CFTR: variants seen among roughly 807,000 people sequenced by gnomAD.
CFTR encodes CF transmembrane conductance regulator.
CFTR carries 181 observed loss-of-function variants against 171.6 expected under a neutral mutation model. The observed-to-expected ratio is 1.05, with a 90% CI of 0.93 to 1.19. The LOEUF (loss-of-function observed/expected upper bound fraction) is 1.19. Ranked by LOEUF, CFTR falls within the 50% of genes most tolerant of loss-of-function variation. The pLI is 0.00. For missense variants in CFTR, 1,968 were observed against 1,734.7 expected (o/e 1.13, Z -2.39); for synonymous variants, 583 against 608.0 (o/e 0.96, Z 0.60).
intron 15 of CFTR, among the ~76,000 whole-genome samples, chr7:117,595,416 T>C (rs1792105116): frequency 6.6e-6 from 1 of 150,528 alleles, no homozygotes; most frequent in Admixed American, 6.6e-5. Flanking sequence ...ATTCGAAAGC[T>C]CAAAGTAGAA....
intron 7 of CFTR, 133 bp from the exon 8 acceptor site, chr7:117,539,967 A>C (rs907131618): frequency 1.4e-6 from 1 of 716,578 alleles, no homozygotes; most frequent in African/African-American, 1.8e-5. Context: ...CACACAGGTC[A>C]TATGATGTGG....
At chr7:117,544,248 A>G (rs1749733680) in intron 9 of CFTR, among the ~76,000 whole-genome samples, 1 of 152,158 alleles carries the variant, frequency 6.6e-6, no homozygotes, top group South Asian at 2.1e-4. Flanking sequence ...CAGTAGTGCT[A>G]TCTGTTGACT....
In CFTR at chr7:117,623,913, A is replaced by G. The variant is rs138644462; in HGVS notation, c.3469-3609A>G. Among the ~76,000 whole-genome samples, 6 of 152,262 alleles carry G rather than the reference A, an allele frequency of 3.9e-5. No individual in the cohort carries two copies. In the East Asian group the frequency reaches 5.8e-4, roughly 15 times the overall value. Reference sequence around the variant, plus strand: ...TTGTTTAACATGAAGCCTATGAGACATAAGCCACAGGTCCTCTCACGTGCA... The same window carrying G: ...TTGTTTAACATGAAGCCTATGAGACGTAAGCCACAGGTCCTCTCACGTGCA... On this transcript the variant is annotated intron_variant, in intron 21 of 26. Transcript: ENST00000003084.
At chr7:117,537,337 T>C (rs1336266289) in intron 7 of CFTR, among the ~76,000 whole-genome samples, 1 of 152,206 alleles carries the variant, frequency 6.6e-6, no homozygotes. Flanking sequence ...CAGACTGAGA[T>C]ATGATTACTG....
chr7:117,612,265 T>G (rs971350939), intron 20 of CFTR, among the ~76,000 whole-genome samples: 48 of 112,772 alleles, frequency 4.3e-4, no homozygotes, highest in Non-Finnish European at 7.3e-4. Context: ...ACACACAGAG[T>G]TCCTCTTGTC....
chr7:117,544,137 C>T (rs1248453119), intron 9 of CFTR, among the ~76,000 whole-genome samples: 1 of 152,200 alleles, frequency 6.6e-6, no homozygotes, highest in Non-Finnish European at 1.5e-5. Flanking sequence ...ATTTTATTCT[C>T]TCAGCTGCAC....
intron 14 of CFTR, among the ~76,000 whole-genome samples, chr7:117,594,070 G>T (rs1383245415): frequency 6.6e-6 from 1 of 152,156 alleles, no homozygotes; most frequent in African/African-American, 2.4e-5. Context: ...TACCCTGGAA[G>T]GTATTTAAAA....
At chr7:117,660,402 C>A (rs1001922690) in intron 24 of CFTR, among the ~76,000 whole-genome samples, 1 of 151,952 alleles carries the variant, frequency 6.6e-6, no homozygotes, top group Non-Finnish European at 1.5e-5. Flanking sequence ...GAGGCCGAGG[C>A]GGTTGGATCA....
chr7:117,562,958 G>A (rs963957842), intron 11 of CFTR, among the ~76,000 whole-genome samples: 1 of 152,154 alleles, frequency 6.6e-6, no homozygotes, highest in African/African-American at 2.4e-5. Flanking sequence ...TAAGCCAGAA[G>A]GCCATGTCAT....
chr7:117,590,403 A>T lies in CFTR; in HGVS notation c.1730A>T (p.Tyr577Phe), dbSNP rs397508286. 6.2e-7 allele frequency: 1 copy of T among 1,603,396 alleles called. No individual in the cohort carries two copies. Among genetic ancestry groups the T allele is most frequent in the South Asian group, 1.1e-5 (1 of 90,934 alleles). The part of the protein sequence containing the change: ...DLYLLDSPFG[Y>F]LDVLTEKEIF... ...TATTTATTAGACTCTCCTTTTGGAT[A>T]CCTAGATGTTTTAACAGAAAAAGAA... is the stretch of plus-strand genomic sequence containing the variant. Residue 577 changes from tyrosine (Y) to phenylalanine (F), a missense_variant, in exon 13 of 27, where the codon TAC becomes TTC. By Grantham distance (22) the Tyr-to-Phe change is conservative. Transcript: ENST00000003084.
rs781379932 is a variant in CFTR at position 117,664,888 on chromosome 7, T to C, written c.4136+28T>C. ...GAGTTTCAGATGTTCTGTTACTTAA[T>C]AGCACAGTGGGAACAGAATCATTAT... On this transcript the variant is annotated intron_variant, in intron 25 of 26. Coordinates refer to ENST00000003084, the MANE Select transcript of CFTR (RefSeq NM_000492.4). 3 of 1,607,710 alleles carry C rather than the reference T, an allele frequency of 1.9e-6. No individual in the cohort carries two copies. In the South Asian group the frequency reaches 3.3e-5, roughly 18 times the overall value.
At chr7:117,630,166 A>G (rs183752253) in intron 22 of CFTR, among the ~76,000 whole-genome samples, 259 of 152,290 alleles carry the variant, frequency 1.7e-3, no homozygotes, top group African/African-American at 6.1e-3. Context: ...CCATGTATCT[A>G]ATTTTGTTTT....
chr7:117,525,919 G>A (rs1798769472), intron 3 of CFTR, among the ~76,000 whole-genome samples: 24 of 146,942 alleles, frequency 1.6e-4, no homozygotes, highest in Non-Finnish European at 2.7e-4. Context: ...ATTTGATCCT[G>A]TCATTATGAT....
At chr7:117,516,372 C>T (rs1009476605) in intron 3 of CFTR, among the ~76,000 whole-genome samples, 1 of 152,028 alleles carries the variant, frequency 6.6e-6, no homozygotes, top group Non-Finnish European at 1.5e-5. Flanking sequence ...TATAGTATAG[C>T]TATAGTACAG....
chr7:117,651,856 C>T (rs1278138132), intron 23 of CFTR, among the ~76,000 whole-genome samples: 1 of 152,020 alleles, frequency 6.6e-6, no homozygotes, highest in Non-Finnish European at 1.5e-5. Context: ...TCCTTGTGGA[C>T]CAGATGGCCA....
chr7:117,532,722 A>G (rs1798883784), intron 4 of CFTR, among the ~76,000 whole-genome samples: 1 of 152,132 alleles, frequency 6.6e-6, no homozygotes, highest in South Asian at 2.1e-4. Context: ...GTTAGGTGGT[A>G]TTGTATCTGT....
In CFTR at chr7:117,660,882, T is replaced by A. The variant is rs537945678; in HGVS notation, c.3964-3806T>A. The stretch of plus-strand genomic sequence containing the variant: ...TTTTTCTCCCCTTTTGGACCATAAT[T>A]TCCTTTAAGGCAGAGCCTCCTGTTA... On this transcript the variant is annotated intron_variant, in intron 24 of 26. Transcript: ENST00000003084. 2.6e-5 allele frequency among the ~76,000 whole-genome samples: 4 copies of A among 152,076 alleles called. 1 individual carries two copies. The South Asian group carries it at 8.3e-4, about 32-fold the overall frequency.
intron 11 of CFTR, among the ~76,000 whole-genome samples, chr7:117,571,184 G>T (rs1791682164): frequency 6.6e-6 from 1 of 152,124 alleles, no homozygotes; most frequent in African/African-American, 2.4e-5. Flanking sequence ...ATAAGGATCT[G>T]GTAGGAACTT....
At chr7:117,536,902 G>A (rs1261372776) in intron 7 of CFTR, among the ~76,000 whole-genome samples, 2 of 152,088 alleles carry the variant, frequency 1.3e-5, no homozygotes, top group Non-Finnish European at 2.9e-5. Context: ...ATATTATACT[G>A]ATACGTTATT....
Sources: gnomAD v4.1 joint callset for allele counts (sites outside exome capture counted in the v4.1 genomes callset) on GRCh38, gnomAD v4.1.1 for gene constraint, MANE v1.5 for transcripts, NCBI Gene and HGNC (gene_info 2026-07-23, HGNC 2026-07-21) for gene names.